PUS10: variants seen among roughly 807,000 people sequenced by gnomAD.
PUS10 encodes the protein tRNA pseudouridine synthase Pus10.
A neutral mutation model predicts 75.0 loss-of-function variants in PUS10; 59 were observed. The observed-to-expected ratio is 0.79, with a 90% CI of 0.64 to 0.98. The LOEUF (loss-of-function observed/expected upper bound fraction) is 0.98, where lower values mean the gene tolerates loss of function less well. Ranked by LOEUF, PUS10 falls within the 50% of genes least tolerant of loss-of-function variation. PUS10 has a pLI of 0.00. For synonymous variants in PUS10, 219 were observed against 211.6 expected (o/e 1.03, Z -0.30); for missense variants, 650 against 614.4 (o/e 1.06, Z -0.61).
At chr2:60,952,464 A>T (rs2104226707) in intron 15 of PUS10, among the ~76,000 whole-genome samples, 1 of 152,286 alleles carries the variant, frequency 6.6e-6, no homozygotes, top group East Asian at 1.9e-4. Context: ...AAAATGTCAC[A>T]TGTGGCAAAA....
At chr2:60,952,959 G>A (rs768676551) in intron 15 of PUS10, 38 bp downstream of exon 15, 1 of 1,131,528 alleles carries the variant, frequency 8.8e-7, no homozygotes, top group South Asian at 1.3e-5. Flanking sequence ...ATAGGCAACA[G>A]AAAAATGAAA....
intron 11 of PUS10, among the ~76,000 whole-genome samples, chr2:60,958,119 C>T (rs1675795277): frequency 6.6e-6 from 1 of 152,214 alleles, no homozygotes; most frequent in Non-Finnish European, 1.5e-5. Flanking sequence ...CACTCATCCG[C>T]CCACTCCTCT....
chr2:61,001,515 G>A (rs1418761090), intron 4 of PUS10, among the ~76,000 whole-genome samples: 2 of 152,102 alleles, frequency 1.3e-5, no homozygotes, highest in Non-Finnish European at 2.9e-5. Context: ...GACCTCAGAT[G>A]ATCCACCCAC....
At chr2:60,993,207 A>C (rs1678225232) in intron 4 of PUS10, among the ~76,000 whole-genome samples, 1 of 152,210 alleles carries the variant, frequency 6.6e-6, no homozygotes, top group Non-Finnish European at 1.5e-5. Context: ...CTGTAATCCG[A>C]GGACTTTGGA....
At chr2:60,947,593 G>T (rs897557215) in intron 16 of PUS10, among the ~76,000 whole-genome samples, 12 of 152,162 alleles carry the variant, frequency 7.9e-5, no homozygotes, top group African/African-American at 2.9e-4. Context: ...ACTTCGGAAG[G>T]CCGAGGTGGG....
chr2:61,013,078 C>T (rs1250427142), intron 1 of PUS10, among the ~76,000 whole-genome samples: 4 of 150,210 alleles, frequency 2.7e-5, no homozygotes, highest in African/African-American at 9.8e-5. Flanking sequence ...CCCACAAGAC[C>T]CTGTCTCTAC....
intron 4 of PUS10, among the ~76,000 whole-genome samples, chr2:60,973,877 C>G (rs973233960): frequency 6.6e-6 from 1 of 152,226 alleles, no homozygotes; most frequent in African/African-American, 2.4e-5. Flanking sequence ...CTGGACTCAG[C>G]CAGACCCAAA....
At chr2:60,952,923 T>C in intron 15 of PUS10, 74 bp downstream of exon 15, 1 of 873,086 alleles carries the variant, frequency 1.1e-6, no homozygotes. Flanking sequence ...TTGCTAGTAA[T>C]AAATTAGAAG....
intron 3 of PUS10, among the ~76,000 whole-genome samples, chr2:61,008,531 T>G (rs946465043): frequency 6.6e-6 from 1 of 152,020 alleles, no homozygotes; most frequent in African/African-American, 2.4e-5. Flanking sequence ...TGGTGGTGCA[T>G]GCCTGTAGTC....
chr2:60,944,101 C>T (rs940618809), intron 17 of PUS10: 1 of 376,414 alleles, frequency 2.7e-6, no homozygotes, highest in Non-Finnish European at 3.6e-6. Flanking sequence ...GCACTCCAGC[C>T]TGGGTGACAG....
chr2:60,953,120 C>CA lies in PUS10; in HGVS notation c.1191-7dup. 6.8e-7 allele frequency: 1 copy of CA among 1,461,074 alleles called. No individual in the cohort carries two copies. The highest frequency in any genetic ancestry group is 1.2e-5 in the South Asian group (1 of 83,210). 90.5% of individuals were successfully genotyped at this position (1,461,074 alleles called of 1,614,324 possible). ...TCATATGTCCTATTGCCTCTCTAAACAAAAACAATTTTTAGAAGTTTGTCC... is the reference window on the plus strand; with the variant it reads ...TCATATGTCCTATTGCCTCTCTAAACAAAAAACAATTTTTAGAAGTTTGTCC... On this transcript the variant is annotated splice_region_variant and splice_polypyrimidine_tract_variant and intron_variant, in intron 14 of 17. Coordinates refer to ENST00000316752, the MANE Select transcript of PUS10 (RefSeq NM_144709.4).
At chr2:60,950,776 T>C (rs532680268) in intron 15 of PUS10, among the ~76,000 whole-genome samples, 2 of 152,282 alleles carry the variant, frequency 1.3e-5, no homozygotes, top group African/African-American at 4.8e-5. Context: ...CATTTCCTTA[T>C]TGAGGGACGC....
chr2:61,012,887 T>TATATATATATATATATATATATACAC (rs67357917), intron 1 of PUS10, among the ~76,000 whole-genome samples: 1 of 88,896 alleles, frequency 1.1e-5, no homozygotes, highest in African/African-American at 4.1e-5. Context: ...TATATATATA[T>TATATATATATATATATATATATACAC]ACACACACAC....
intron 17 of PUS10, among the ~76,000 whole-genome samples, chr2:60,943,749 A>T (rs1348273834): frequency 6.8e-6 from 1 of 146,812 alleles, no homozygotes; most frequent in Non-Finnish European, 1.5e-5. Flanking sequence ...ATAAAACATG[A>T]CTGATCACAA....
intron 1 of PUS10, among the ~76,000 whole-genome samples, chr2:61,012,301 T>A (rs1679654802): frequency 6.6e-6 from 1 of 152,164 alleles, no homozygotes; most frequent in Non-Finnish European, 1.5e-5. Flanking sequence ...AAACTTTTCC[T>A]GTAAGAAATT....
At chr2:61,010,994 T>C in intron 2 of PUS10, 9 of 1,390,162 alleles carry the variant, frequency 6.5e-6, no homozygotes, top group Non-Finnish European at 8.7e-6. Flanking sequence ...TGTATTATTA[T>C]TGCCAAAATA....
chr2:60,968,827 T>A (rs1676497238), intron 5 of PUS10, among the ~76,000 whole-genome samples: 1 of 152,166 alleles, frequency 6.6e-6, no homozygotes, highest in African/African-American at 2.4e-5. Flanking sequence ...TGACAAATAA[T>A]CAAATTATTT....
intron 1 of PUS10, among the ~76,000 whole-genome samples, chr2:61,012,649 C>T (rs1573529233): frequency 1.4e-5 from 2 of 147,670 alleles, no homozygotes; most frequent in East Asian, 2.0e-4. Flanking sequence ...CATGGTGAAA[C>T]CTTGTCTCTA....
chr2:60,958,939 C>T (rs1345470978), intron 11 of PUS10, among the ~76,000 whole-genome samples: 2 of 152,114 alleles, frequency 1.3e-5, no homozygotes, highest in East Asian at 1.9e-4. Context: ...AGAGTAATAT[C>T]ATCCATGCCC....
Sources: allele counts gnomAD v4.1 joint callset (sites outside exome capture counted in the v4.1 genomes callset), GRCh38; gene constraint gnomAD v4.1.1; transcripts MANE v1.5; gene names NCBI Gene and HGNC (gene_info 2026-07-23, HGNC 2026-07-21).